LRRTM3: variants seen among roughly 807,000 people sequenced by gnomAD.
The protein encoded by LRRTM3 is leucine-rich repeat transmembrane neuronal protein 3.
LRRTM3 carries 24 observed loss-of-function variants against 44.7 expected under a neutral mutation model. That is an observed-to-expected ratio of 0.54 (90% CI 0.39 to 0.76). The LOEUF (loss-of-function observed/expected upper bound fraction) is 0.76. LRRTM3 is among the 30% of genes least tolerant of loss of function. The pLI is 0.00. For synonymous variants in LRRTM3, 277 were observed against 278.7 expected, an observed-to-expected ratio of 0.99 and a Z score of 0.06; for missense variants, 587 against 702.2, an observed-to-expected ratio of 0.84 and a Z score of 1.85.
At chr10:67,018,837 T>C (rs565955690) in intron 2 of LRRTM3, among the ~76,000 whole-genome samples, 1 of 152,366 alleles carries the variant, frequency 6.6e-6, no homozygotes, top group East Asian at 1.9e-4. Context: ...ATATTATTAC[T>C]ACCCAGGCAT....
intron 2 of LRRTM3, among the ~76,000 whole-genome samples, chr10:67,070,228 T>G (rs938588424): frequency 3.9e-5 from 6 of 152,228 alleles, no homozygotes; most frequent in Admixed American, 1.3e-4. Context: ...AGACTTTTAC[T>G]CACTTTTTTA....
At chr10:67,064,921 C>A (rs1380580263) in intron 2 of LRRTM3, among the ~76,000 whole-genome samples, 2 of 152,060 alleles carry the variant, frequency 1.3e-5, no homozygotes, top group African/African-American at 4.8e-5. Flanking sequence ...TTATATGAGG[C>A]AAGAAGAACT....
Position 67,058,931 on chromosome 10 carries a change from G to A in LRRTM3, c.1537-38656G>A, listed in dbSNP as rs72804699. 2.1e-3 allele frequency among the ~76,000 whole-genome samples: 312 copies of A among 152,192 alleles called. 2 individuals are homozygous for A. Among genetic ancestry groups the A allele is most frequent in the Non-Finnish European group, 3.8e-3 (261 of 67,994 alleles). On this transcript the variant is annotated intron_variant, in intron 2 of 2. Coordinates refer to ENST00000361320, the MANE Select transcript of LRRTM3 (RefSeq NM_178011.5). ...TAGGCAGGCGTCAAGGACATTGTAA[G>A]CCATAAATCACCAAAAAAAGGCAAG...
Position 67,099,554 on chromosome 10 carries a change from T to G in LRRTM3, c.*1758T>G, listed in dbSNP as rs1858213703. The G allele has an allele frequency of 6.6e-6, 1 of 152,196 alleles. No individual in the cohort carries two copies. The highest frequency in any genetic ancestry group is 2.4e-5 in the African/African-American group (1 of 41,394). The allele number at this position is 152,196 out of a possible 1,614,324, so 9.4% of individuals were successfully genotyped here. On this transcript the variant is annotated 3_prime_UTR_variant, in exon 3 of 3. Transcript: ENST00000361320. ...TAAAATCTAGTTTTATGCAGGTTTG[T>G]CACAGCAAATGTAAAAGCGGATTCA... is the stretch of plus-strand genomic sequence containing the variant.
At chr10:67,028,185 A>C (rs1000335005) in intron 2 of LRRTM3, among the ~76,000 whole-genome samples, 2 of 151,518 alleles carry the variant, frequency 1.3e-5, no homozygotes, top group South Asian at 4.2e-4. Flanking sequence ...TTTTCTTTTC[A>C]CTGGAGTTTC....
intron 2 of LRRTM3, among the ~76,000 whole-genome samples, chr10:66,931,742 T>C (rs763885490): frequency 2.0e-5 from 3 of 152,180 alleles, no homozygotes; most frequent in Admixed American, 6.5e-5. Context: ...TTGACTTTTA[T>C]AGTAATGCTG....
chr10:67,039,936 A>G (rs1263636786), intron 2 of LRRTM3, among the ~76,000 whole-genome samples: 2 of 152,060 alleles, frequency 1.3e-5, no homozygotes, highest in Non-Finnish European at 2.9e-5. Context: ...CAACCCACCA[A>G]TCTGTCATAA....
At chr10:67,057,548 A>G (rs1276843507) in intron 2 of LRRTM3, among the ~76,000 whole-genome samples, 3 of 152,282 alleles carry the variant, frequency 2.0e-5, no homozygotes, top group Admixed American at 1.3e-4. Context: ...TATTTCACTT[A>G]GTATAATGTC....
intron 2 of LRRTM3, among the ~76,000 whole-genome samples, chr10:67,092,918 C>T (rs1361860283): frequency 1.3e-5 from 2 of 151,986 alleles, no homozygotes; most frequent in Admixed American, 6.6e-5. Context: ...TACTACTACT[C>T]ATTATTACAA....
At chr10:67,008,318 C>A (rs1852125061) in intron 2 of LRRTM3, among the ~76,000 whole-genome samples, 1 of 151,880 alleles carries the variant, frequency 6.6e-6, no homozygotes. Flanking sequence ...ATTCAATAAC[C>A]ATAGTGCTCA....
chr10:67,062,775 G>A (rs1053369678), intron 2 of LRRTM3, among the ~76,000 whole-genome samples: 1 of 152,066 alleles, frequency 6.6e-6, no homozygotes, highest in Non-Finnish European at 1.5e-5. Flanking sequence ...TGCTAATGAG[G>A]TACACTTGCA....
At chr10:66,996,682 GTCAA>G (rs1851372181) in intron 2 of LRRTM3, among the ~76,000 whole-genome samples, 1 of 105,990 alleles carries the variant, frequency 9.4e-6, no homozygotes, top group African/African-American at 3.1e-5. Context: ...GCATGTTTGT[GTCAA>G]TCACTTATGT....
intron 2 of LRRTM3, among the ~76,000 whole-genome samples, chr10:67,071,524 C>G (rs1047323666): frequency 3.3e-5 from 5 of 149,484 alleles, no homozygotes; most frequent in Admixed American, 3.3e-4. Context: ...TTGTTTGTTT[C>G]TTTGACTTCA....
At chr10:67,049,029 GGTT>G (rs1250200711) in intron 2 of LRRTM3, among the ~76,000 whole-genome samples, 3 of 11,666 alleles carry the variant, frequency 2.6e-4, no homozygotes, top group Admixed American at 1.6e-3. Flanking sequence ...GATGATAACT[GGTT>G]TTTTTTTTTT....
chr10:66,928,563 C>G (rs1007693652), intron 2 of LRRTM3, 111 bp downstream of exon 2: 2 of 991,092 alleles, frequency 2.0e-6, no homozygotes, highest in Non-Finnish European at 2.9e-6. Context: ...CCTTCCCTCT[C>G]CCTCTCACTT....
At chr10:67,021,438 T>G (rs562333768) in intron 2 of LRRTM3, among the ~76,000 whole-genome samples, 28 of 152,208 alleles carry the variant, frequency 1.8e-4, no homozygotes, top group Non-Finnish European at 2.8e-4. Flanking sequence ...ACTGAAAATA[T>G]AAAATTTTAA....
chr10:67,069,919 C>A (rs989473206), intron 2 of LRRTM3, among the ~76,000 whole-genome samples: 3 of 152,136 alleles, frequency 2.0e-5, no homozygotes, highest in Non-Finnish European at 4.4e-5. Context: ...ATTTCTCCTG[C>A]ATGTATATCT....
chr10:67,048,429 A>G (rs1338672006), intron 2 of LRRTM3, among the ~76,000 whole-genome samples: 1 of 152,144 alleles, frequency 6.6e-6, no homozygotes, highest in African/African-American at 2.4e-5. Context: ...CAGACCTAAC[A>G]TAAAGAATGA....
intron 2 of LRRTM3, among the ~76,000 whole-genome samples, chr10:67,030,743 C>T (rs1589631412): frequency 2.0e-5 from 3 of 152,238 alleles, no homozygotes; most frequent in East Asian, 1.9e-4. Context: ...CGGTGGCTCA[C>T]GCCTGTGATC....
Sources: gnomAD v4.1 joint callset for allele counts (sites outside exome capture counted in the v4.1 genomes callset) on GRCh38, gnomAD v4.1.1 for gene constraint, MANE v1.5 for transcripts, NCBI Gene and HGNC (gene_info 2026-07-23, HGNC 2026-07-21) for gene names.